The following WNT9B variants were observed in gnomAD, a reference collection of about 807,000 sequenced individuals.
The protein encoded by WNT9B is protein Wnt-9b.
In WNT9B, 12 loss-of-function variants were observed where a neutral mutation model predicts 30.2. The ratio of observed to expected loss-of-function variants is 0.40; its 90% CI spans 0.26 to 0.64. WNT9B has a LOEUF of 0.64. Ranked by LOEUF, WNT9B falls within the 30% of genes least tolerant of loss-of-function variation. The pLI is 0.42. For synonymous variants in WNT9B, 218 were observed against 216.9 expected (o/e 1.01, Z -0.05); for missense variants, 442 against 485.2 (o/e 0.91, Z 0.84).
chr17:46,863,281 C>T (rs1057016315), intron 1 of WNT9B, among the ~76,000 whole-genome samples: 3 of 152,204 alleles, frequency 2.0e-5, no homozygotes, highest in Non-Finnish European at 4.4e-5. Context: ...TGAGGGACAG[C>T]CCCGAACTGC....
At chr17:46,867,966 G>A (rs988784600) in intron 1 of WNT9B, among the ~76,000 whole-genome samples, 15 of 152,112 alleles carry the variant, frequency 9.9e-5, no homozygotes, top group African/African-American at 3.6e-4. Context: ...AGAACAGAAG[G>A]GCACAGACTG....
At chr17:46,852,389 A>AGTGTGTGTGTGTGTGTGT (rs61138160) in intron 1 of WNT9B, among the ~76,000 whole-genome samples, 1 of 105,322 alleles carries the variant, frequency 9.5e-6, no homozygotes, top group African/African-American at 3.7e-5. Flanking sequence ...GAGAGGGCCC[A>AGTGTGTGTGTGTGTGTGT]GTGTGTGTGT....
chr17:46,875,420 G>A, intron 3 of WNT9B, 54 bp downstream of exon 3: 1 of 1,511,046 alleles, frequency 6.6e-7, no homozygotes. Flanking sequence ...ACACAGCTGG[G>A]GAGCATGGCT....
chr17:46,836,102 G>GTGTGTGTGTGTGTGTGTGTA (rs1372994934), intron 1 of WNT9B, among the ~76,000 whole-genome samples: 1 of 148,154 alleles, frequency 6.7e-6, no homozygotes, highest in African/African-American at 2.5e-5. Context: ...TGACGTGTGT[G>GTGTGTGTGTGTGTGTGTGTA]TGTGTGTGTG....
At chr17:46,876,174 G>T in intron 3 of WNT9B, 71 bp from the exon 4 acceptor site, 2 of 1,424,674 alleles carry the variant, frequency 1.4e-6, no homozygotes, top group South Asian at 2.8e-5. Flanking sequence ...GCTGGGGTTG[G>T]TGCTCTGGGG....
At chr17:46,872,921 G>C in intron 2 of WNT9B, 148 bp downstream of exon 2, 2 of 1,028,610 alleles carry the variant, frequency 1.9e-6, no homozygotes, top group Non-Finnish European at 2.7e-6. Flanking sequence ...CAAATGAGAA[G>C]AGTCACAAGA....
upstream of WNT9B, among the ~76,000 whole-genome samples, chr17:46,847,703 T>G (rs2084791909): frequency 6.6e-6 from 1 of 152,180 alleles, no homozygotes; most frequent in African/African-American, 2.4e-5. Context: ...TTCCACTTCC[T>G]GTTGGGTCCA....
chr17:46,857,555 T>G (rs1266289480), intron 1 of WNT9B, among the ~76,000 whole-genome samples: 1 of 152,024 alleles, frequency 6.6e-6, no homozygotes, highest in African/African-American at 2.4e-5. Context: ...TAAACATCCA[T>G]GTACATCTCT....
intron 1 of WNT9B, among the ~76,000 whole-genome samples, chr17:46,837,188 G>A (rs1350376381): frequency 2.6e-5 from 4 of 151,914 alleles, no homozygotes; most frequent in Admixed American, 1.3e-4. Flanking sequence ...TGATCTGCCC[G>A]CCGCGGCCCC....
downstream of WNT9B, among the ~76,000 whole-genome samples, chr17:46,882,343 C>T (rs2085434455): frequency 6.6e-6 from 1 of 152,176 alleles, no homozygotes; most frequent in South Asian, 2.1e-4. Flanking sequence ...TGGAATACCT[C>T]TCAACTGAGA....
At chr17:46,868,996 G>A (rs148739612) in intron 1 of WNT9B, among the ~76,000 whole-genome samples, 2 of 152,296 alleles carry the variant, frequency 1.3e-5, no homozygotes, top group African/African-American at 2.4e-5. Flanking sequence ...AAGGAAATAC[G>A]ATCCCAAACT....
chr17:46,848,518 G>A (rs2084803199), upstream of WNT9B, among the ~76,000 whole-genome samples: 2 of 152,242 alleles, frequency 1.3e-5, no homozygotes, highest in African/African-American at 4.8e-5. Context: ...GGTCCCAAGG[G>A]CTGCTCTTCA....
intron 1 of WNT9B, among the ~76,000 whole-genome samples, chr17:46,866,341 G>A (rs1187914124): frequency 6.6e-6 from 1 of 152,094 alleles, no homozygotes; most frequent in African/African-American, 2.4e-5. Flanking sequence ...GGAGGGGCTA[G>A]GGGTGTGTGA....
rs550350357 is a variant in WNT9B, at chr17:46,879,787, C to T, written c.*3069C>T. Among the ~76,000 whole-genome samples the T allele has an allele frequency of 6.6e-6, 1 of 152,346 alleles. No homozygotes were observed. The highest frequency in any genetic ancestry group is 1.5e-5 in the Non-Finnish European group (1 of 68,030). On this transcript the variant is annotated 3_prime_UTR_variant, in exon 4 of 4. Coordinates refer to ENST00000290015, the MANE Select transcript of WNT9B (RefSeq NM_003396.3). ...AAGAACTCAGGGAAGCAGTTCCTTC[C>T]CAGGCTGTGATCCCAGCCTTTTGGA...
rs1289815567 is a variant in WNT9B at position 46,877,113 on chromosome 17, G to A, written c.*395G>A. On this transcript the variant is annotated 3_prime_UTR_variant, in exon 4 of 4. Transcript: ENST00000290015. Reference sequence around the variant, plus strand: ...CCAGCATGTTCTTGGGAGGTGAACTGCTGGGCTAGGAATGCCAAGGCAGGC... The same window carrying A: ...CCAGCATGTTCTTGGGAGGTGAACTACTGGGCTAGGAATGCCAAGGCAGGC... 6.8e-6 allele frequency: 7 copies of A among 1,025,638 alleles called. No individual in the cohort carries two copies. The highest frequency in any genetic ancestry group is 8.2e-6 in the Non-Finnish European group (7 of 856,074). 63.5% of individuals were successfully genotyped at this position (1,025,638 alleles called of 1,614,324 possible).
At chr17:46,836,329 T>C (rs961371955) in intron 1 of WNT9B, among the ~76,000 whole-genome samples, 2 of 152,140 alleles carry the variant, frequency 1.3e-5, no homozygotes, top group Non-Finnish European at 2.9e-5. Context: ...GAACTGCTGT[T>C]TTTTGAACTT....
chr17:46,859,095 G>C (rs575740377), intron 1 of WNT9B, among the ~76,000 whole-genome samples: 34 of 151,160 alleles, frequency 2.2e-4, no homozygotes, highest in African/African-American at 7.3e-4. Flanking sequence ...TTCTGACTCA[G>C]CCTCCTGAGT....
rs779923395 is a variant in WNT9B, at chr17:46,872,684, C to T, written c.245C>T (p.Ala82Val). ...PGLAETLRDAAHLGLLECQFQ... is the reference protein window; with the variant it reads ...PGLAETLRDAVHLGLLECQFQ... ...CTGGCTGAGACCCTGAGGGATGCTGCGCACCTCGGCCTGCTTGAGTGCCAG... is the reference window on the plus strand; with the variant it reads ...CTGGCTGAGACCCTGAGGGATGCTGTGCACCTCGGCCTGCTTGAGTGCCAG... The change falls in exon 2 of 4, where the codon GCG becomes GTG. Residue 82 changes from alanine (A) to valine (V), a missense_variant. Coordinates refer to ENST00000290015, the MANE Select transcript of WNT9B (RefSeq NM_003396.3). 2.5e-5 allele frequency: 41 copies of T among 1,613,462 alleles called. No homozygotes were observed. Among genetic ancestry groups the T allele is most frequent in the Non-Finnish European group, 3.3e-5 (39 of 1,180,008 alleles).
chr17:46,838,660 A>T (rs1046915275), intron 1 of WNT9B, among the ~76,000 whole-genome samples: 1 of 152,136 alleles, frequency 6.6e-6, no homozygotes, highest in Non-Finnish European at 1.5e-5. Context: ...AATTAAAAAT[A>T]AAATTTAAAA....
Sources: allele counts gnomAD v4.1 joint callset (sites outside exome capture counted in the v4.1 genomes callset), GRCh38; gene constraint gnomAD v4.1.1; transcripts MANE v1.5; gene names NCBI Gene and HGNC (gene_info 2026-07-23, HGNC 2026-07-21).